Variants in AK4 observed in about 807,000 individuals in gnomAD.
The protein encoded by AK4 is adenylate kinase 4.
A neutral mutation model predicts 24.6 loss-of-function variants in AK4; 13 were observed. That is an observed-to-expected ratio of 0.53 (90% confidence interval 0.34 to 0.84). AK4 has a LOEUF of 0.84. Among genes scored for constraint, AK4 ranks in the 40% least tolerant of loss-of-function variants. AK4 has a pLI of 0.01. For missense variants in AK4, 192 were observed against 288.2 expected, an observed-to-expected ratio of 0.67 and a Z score of 2.42; for synonymous variants, 88 against 107.0, an observed-to-expected ratio of 0.82 and a Z score of 1.10.
At chr1:65,197,456 A>G (rs558095456) in intron 2 of AK4, among the ~76,000 whole-genome samples, 2 of 152,334 alleles carry the variant, frequency 1.3e-5, no homozygotes, top group South Asian at 4.1e-4. Flanking sequence ...GGTAATAATG[A>G]TAACCTTTAG....
intron 1 of AK4, among the ~76,000 whole-genome samples, chr1:65,158,569 T>A (rs1424564810): frequency 6.6e-6 from 1 of 152,174 alleles, no homozygotes; most frequent in Admixed American, 6.5e-5. Flanking sequence ...GGTGTGATCT[T>A]GGCTCACTGC....
rs1651426214 is a variant in AK4 at position 65,195,100 on chromosome 1, TC to T, written c.265+4272del. Among the ~76,000 whole-genome samples, 3 of 152,180 alleles carry T rather than the reference TC, an allele frequency of 2.0e-5. No individual in the cohort carries two copies. The South Asian group carries it at 6.2e-4, about 32-fold the overall frequency. On this transcript the variant is annotated intron_variant, in intron 2 of 4. Coordinates refer to ENST00000327299, the MANE Select transcript of AK4 (RefSeq NM_013410.4). ...GCAGGGAAGAGTAAGACGATGGTTC[TC>T]ACATTTGTTGGGAGCCTTCTTGCTG...
At chr1:65,183,670 TG>T (rs1650989323) in intron 1 of AK4, among the ~76,000 whole-genome samples, 3 of 151,598 alleles carry the variant, frequency 2.0e-5, no homozygotes, top group Non-Finnish European at 2.9e-5. Context: ...TGTGTGTGTG[TG>T]TGTGTGTGTG....
At chr1:65,221,046 T>C (rs1290772209) in intron 3 of AK4, among the ~76,000 whole-genome samples, 2 of 152,158 alleles carry the variant, frequency 1.3e-5, no homozygotes, top group East Asian at 3.9e-4. Context: ...AAGTATAACA[T>C]TGATACAGTT....
chr1:65,192,965 A>C (rs1025213724), intron 2 of AK4, among the ~76,000 whole-genome samples: 7 of 152,226 alleles, frequency 4.6e-5, no homozygotes, highest in Non-Finnish European at 2.9e-5. Flanking sequence ...CAATCCACTC[A>C]GCAGCTCTCA....
At chr1:65,198,871 G>A (rs189738015) in intron 2 of AK4, among the ~76,000 whole-genome samples, 66 of 151,982 alleles carry the variant, frequency 4.3e-4, no homozygotes, top group East Asian at 2.9e-3. Flanking sequence ...GAGCCCAGGA[G>A]TTTGAGACCA....
chr1:65,200,394 C>T (rs906707169), intron 2 of AK4, among the ~76,000 whole-genome samples: 8 of 152,050 alleles, frequency 5.3e-5, no homozygotes, highest in African/African-American at 1.5e-4. Flanking sequence ...TGATTACAGG[C>T]GTGAGCCACC....
At chr1:65,178,438 A>C (rs1309811748) in intron 1 of AK4, among the ~76,000 whole-genome samples, 1 of 152,152 alleles carries the variant, frequency 6.6e-6, no homozygotes, top group Admixed American at 6.5e-5. Context: ...AAATGTGTGC[A>C]TAGCCACAAT....
rs887969763 is a variant in AK4 at position 65,188,520 on chromosome 1, C to T, written c.146-2190C>T. 2.6e-5 allele frequency among the ~76,000 whole-genome samples: 4 copies of T among 151,822 alleles called. No homozygotes were observed. In the East Asian group the frequency reaches 7.7e-4, roughly 29 times the overall value. On this transcript the variant is annotated intron_variant, in intron 1 of 4. Transcript: ENST00000327299. ...TTGAGATGGAGTCTTGCTCTGTCGC[C>T]CAGGTTGGAGTGCAGTGGCGTGATC... is the stretch of plus-strand genomic sequence containing the variant.
chr1:65,164,414 CCCCT>C (rs890336505), intron 1 of AK4, among the ~76,000 whole-genome samples: 62 of 152,232 alleles, frequency 4.1e-4, no homozygotes, highest in African/African-American at 1.5e-3. Flanking sequence ...GCTTTAACCA[CCCCT>C]CCCTCCCTAC....
chr1:65,158,066 A>C (rs1650037472), intron 1 of AK4, among the ~76,000 whole-genome samples: 1 of 152,156 alleles, frequency 6.6e-6, no homozygotes, highest in Non-Finnish European at 1.5e-5. Context: ...GTCCGCATCC[A>C]TCTCTAATGA....
intron 1 of AK4, among the ~76,000 whole-genome samples, chr1:65,189,813 A>C (rs554606601): frequency 2.0e-4 from 30 of 152,338 alleles, no homozygotes; most frequent in African/African-American, 7.0e-4. Context: ...GAAAGTATTT[A>C]TGTGGTTTTG....
chr1:65,192,832 C>G (rs563909983), intron 2 of AK4, among the ~76,000 whole-genome samples: 2 of 152,160 alleles, frequency 1.3e-5, no homozygotes. Flanking sequence ...ACAGGGGAGA[C>G]ATTAAGTCTT....
intron 4 of AK4, among the ~76,000 whole-genome samples, chr1:65,225,496 G>A (rs1203765905): frequency 2.0e-5 from 3 of 152,144 alleles, no homozygotes; most frequent in African/African-American, 7.2e-5. Flanking sequence ...CTGTGTGTAT[G>A]TGTGTGAGGG....
chr1:65,193,229 G>A (rs1651364163), intron 2 of AK4, among the ~76,000 whole-genome samples: 1 of 152,216 alleles, frequency 6.6e-6, no homozygotes, highest in South Asian at 2.1e-4. Flanking sequence ...CATTCTGTGA[G>A]ATGCCACCAA....
At chr1:65,148,199 G>T (rs1041372210), upstream of AK4, 762 of 1,083,618 alleles carry the variant, frequency 7.0e-4, 8 homozygotes, top group Non-Finnish European at 4.7e-5. Context: ...GTAGCGTGGC[G>T]CTCAGTCCGC....
chr1:65,179,687 T>C (rs1009591225), intron 1 of AK4, among the ~76,000 whole-genome samples: 5 of 151,952 alleles, frequency 3.3e-5, no homozygotes, highest in Non-Finnish European at 2.9e-5. Context: ...AAAGAAAAAT[T>C]AGCCAGGCAT....
intron 1 of AK4, among the ~76,000 whole-genome samples, chr1:65,190,291 G>T (rs571588272): frequency 1.4e-5 from 2 of 145,910 alleles, no homozygotes; most frequent in Admixed American, 7.0e-5. Flanking sequence ...GTCTCCTCCT[G>T]TTGCCCAGGC....
chr1:65,213,473 C>T (rs1040730833), intron 2 of AK4, among the ~76,000 whole-genome samples: 3 of 152,028 alleles, frequency 2.0e-5, no homozygotes, highest in African/African-American at 7.2e-5. Context: ...CCAGGGACTC[C>T]CCAAGCTCTT....
Sources: allele counts gnomAD v4.1 joint callset (sites outside exome capture counted in the v4.1 genomes callset), GRCh38; gene constraint gnomAD v4.1.1; transcripts MANE v1.5; gene names NCBI Gene and HGNC (gene_info 2026-07-23, HGNC 2026-07-21).